Variants in INSL6 observed in about 807,000 individuals in gnomAD.
INSL6 encodes the protein insulin-like peptide INSL6.
INSL6 carries 16 observed loss-of-function variants against 9.4 expected under a neutral mutation model. The ratio of observed to expected loss-of-function variants is 1.70; its 90% CI spans 1.15 to 2.59. The LOEUF (loss-of-function observed/expected upper bound fraction) is 2.59, where lower values mean the gene tolerates loss of function less well. Ranked by LOEUF, INSL6 falls within the 30% of genes most tolerant of loss-of-function variation. The pLI is 0.00. For missense variants in INSL6, 391 were observed against 257.3 expected, an observed-to-expected ratio of 1.52 and a Z score of -3.56; for synonymous variants, 154 against 96.9, an observed-to-expected ratio of 1.59 and a Z score of -3.46.
the INSL6 span, among the ~76,000 whole-genome samples, chr9:5,047,769 T>C: frequency 0.017 from 2,580 of 152,124 alleles, 30 homozygotes; most frequent in Non-Finnish European, 0.027. Flanking sequence ...CTAATTTTTT[T>C]AGTTTTGGTT....
intron 2 of INSL6, among the ~76,000 whole-genome samples, chr9:5,151,441 G>A (rs1037663342): frequency 6.6e-6 from 1 of 150,942 alleles, no homozygotes; most frequent in African/African-American, 2.4e-5. Flanking sequence ...TAATAAAAAT[G>A]TTTGTGTGGT....
At chr9:5,168,210 C>T (rs186854611) in intron 1 of INSL6, among the ~76,000 whole-genome samples, 71 of 152,200 alleles carry the variant, frequency 4.7e-4, no homozygotes, top group Non-Finnish European at 7.8e-4. Context: ...GGCACAGAAC[C>T]GGGCTGAGTC....
intron 2 of INSL6, among the ~76,000 whole-genome samples, chr9:5,134,051 C>T (rs1044988550): frequency 6.6e-6 from 1 of 151,984 alleles, no homozygotes; most frequent in African/African-American, 2.4e-5. Flanking sequence ...GAAGCATACA[C>T]GAGTATCAAC....
the INSL6 span, among the ~76,000 whole-genome samples, chr9:5,020,838 G>T: frequency 0.04 from 6,100 of 152,196 alleles, 314 homozygotes; most frequent in African/African-American, 0.12. Context: ...GGGGCTCTAG[G>T]GGTGTGGATA....
chr9:5,113,865 C>A, the INSL6 span: 1 of 209,582 alleles, frequency 4.8e-6, no homozygotes, highest in South Asian at 7.5e-5. Context: ...CCAGGGACTT[C>A]ACCCTCCCCA....
chr9:5,126,638 T>G (rs1824016924), intron 3 of INSL6: 2 of 1,305,250 alleles, frequency 1.5e-6, no homozygotes. Flanking sequence ...AATTAAAAGA[T>G]GGCCCTTAGT....
At position 5,185,403 on chromosome 9, in the gene INSL6, T is replaced by C. The variant is rs777554114; in HGVS notation, c.200A>G (p.Gln67Arg). The C allele has an allele frequency of 4.3e-6, 7 of 1,614,200 alleles. No individual in the cohort carries two copies. The highest frequency in any genetic ancestry group is 5.9e-6 in the Non-Finnish European group (7 of 1,180,032). Residue 67 changes from glutamine to arginine, a missense_variant, in exon 1 of 2, where the codon CAG (glutamine) becomes CGG (arginine). Physicochemically the swap from Gln to Arg is conservative, Grantham distance 43 (BLOSUM62 1). Transcript: ENST00000381641. The stretch of plus-strand genomic sequence containing the variant: ...GTAGGCTTCGACCTTCTCCGAGGCC[T>C]GTGCAATCAACCGTGAGAAAGGGGT... ...EETPFSRLIA[Q>R]ASEKVEAYSP...
chr9:5,065,057 TA>T, the INSL6 span: 1 of 1,488,368 alleles, frequency 6.7e-7, no homozygotes, highest in Non-Finnish European at 9.0e-7. Context: ...AATACAGACT[TA>T]AAAGTAAATT....
chr9:5,180,283 A>T (rs1031652571), intron 1 of INSL6, among the ~76,000 whole-genome samples: 2 of 152,216 alleles, frequency 1.3e-5, no homozygotes, highest in Non-Finnish European at 2.9e-5. Context: ...AATTGATTGT[A>T]AAACGTGTGT....
chr9:5,147,956 G>A (rs1360061), intron 2 of INSL6, among the ~76,000 whole-genome samples: 16,461 of 152,080 alleles, frequency 0.11, 2,767 homozygotes, highest in African/African-American at 0.37. Flanking sequence ...TTTACTGGAT[G>A]CCTTGGCTTC....
the INSL6 span, among the ~76,000 whole-genome samples, chr9:5,012,743 T>A: frequency 1.3e-5 from 2 of 152,222 alleles, no homozygotes; most frequent in Non-Finnish European, 2.9e-5. Context: ...TTATAAGGTA[T>A]TGAAGCCTAT....
the INSL6 span, among the ~76,000 whole-genome samples, chr9:5,059,991 T>C: frequency 6.6e-6 from 1 of 152,170 alleles, no homozygotes; most frequent in South Asian, 2.1e-4. Context: ...ATATTTCTAG[T>C]TCAGTTCTGG....
the INSL6 span, among the ~76,000 whole-genome samples, chr9:4,993,438 C>G: frequency 2.0e-5 from 3 of 152,192 alleles, no homozygotes; most frequent in African/African-American, 7.2e-5. Context: ...TTTAGTTCAT[C>G]TCTCTGTTCT....
chr9:5,147,224 G>A (rs192885654), intron 2 of INSL6, among the ~76,000 whole-genome samples: 107 of 152,246 alleles, frequency 7.0e-4, no homozygotes, highest in African/African-American at 2.5e-3. Context: ...CCAGGATGGA[G>A]GGTCTGTGCT....
chr9:5,011,792 A>C, the INSL6 span, among the ~76,000 whole-genome samples: 80 of 152,328 alleles, frequency 5.3e-4, 1 homozygote, highest in African/African-American at 1.8e-3. Context: ...ATTTACTAGC[A>C]GACCAACTTG....
chr9:5,170,819 A>G (rs946757921), intron 1 of INSL6, among the ~76,000 whole-genome samples: 1 of 152,188 alleles, frequency 6.6e-6, no homozygotes, highest in African/African-American at 2.4e-5. Context: ...ATAGACTAAT[A>G]ACAAGTTCTG....
At chr9:5,071,348 A>G in the INSL6 span, among the ~76,000 whole-genome samples, 1 of 152,214 alleles carries the variant, frequency 6.6e-6, no homozygotes, top group Admixed American at 6.5e-5. Context: ...CATCAAAATT[A>G]GAACTCCAGG....
At chr9:5,013,362 A>G in the INSL6 span, among the ~76,000 whole-genome samples, 4 of 152,380 alleles carry the variant, frequency 2.6e-5, no homozygotes, top group East Asian at 7.7e-4. Flanking sequence ...AAATTTTGGT[A>G]TACTAAAGAA....
At chr9:5,012,340 T>A in the INSL6 span, among the ~76,000 whole-genome samples, 1 of 152,220 alleles carries the variant, frequency 6.6e-6, no homozygotes. Flanking sequence ...TTTGTTTCTT[T>A]GACAATGCCT....
Sources: gnomAD v4.1 joint callset for allele counts (sites outside exome capture counted in the v4.1 genomes callset) on GRCh38, gnomAD v4.1.1 for gene constraint, MANE v1.5 for transcripts, NCBI Gene and HGNC (gene_info 2026-07-23, HGNC 2026-07-21) for gene names.